SYNPR: variants seen among roughly 807,000 people sequenced by gnomAD.
SYNPR encodes synaptoporin.
SYNPR carries 23 observed loss-of-function variants against 32.9 expected under a neutral mutation model. The ratio of observed to expected loss-of-function variants is 0.70; its 90% CI spans 0.50 to 0.99. SYNPR has a LOEUF of 0.99. Ranked by LOEUF, SYNPR falls within the 50% of genes least tolerant of loss-of-function variation. The probability of loss-of-function intolerance (pLI) is 0.00; values close to 1 mark genes in which losing one functional copy is unlikely to be tolerated. For missense variants in SYNPR, 318 were observed against 349.3 expected (o/e 0.91, Z 0.71); for synonymous variants, 146 against 135.9 (o/e 1.07, Z -0.52).
chr3:63,542,854 C>T lies in SYNPR; in HGVS notation c.210-13689C>T, dbSNP rs13324724. 7.0e-3 allele frequency among the ~76,000 whole-genome samples: 1,068 copies of T among 152,020 alleles called. 10 individuals carry two copies. Among genetic ancestry groups the T allele is most frequent in the African/African-American group, 0.024 (991 of 41,482 alleles). ...TAAAATGGTGAATCAGGCCATCTAT[C>T]CCATATTACCTGAATTACCAAAAGT... is the stretch of plus-strand genomic sequence containing the variant. On this transcript the variant is annotated intron_variant, in intron 3 of 5. Coordinates refer to ENST00000478300, the MANE Select transcript of SYNPR (RefSeq NM_001130003.2).
the SYNPR span, among the ~76,000 whole-genome samples, chr3:63,206,090 A>T: frequency 6.6e-6 from 1 of 152,034 alleles, no homozygotes; most frequent in African/African-American, 2.4e-5. Flanking sequence ...CTTGTATGCA[A>T]TCTAGTCCTG....
chr3:63,612,496 A>G (rs1232396391), intron 5 of SYNPR, among the ~76,000 whole-genome samples: 2 of 152,044 alleles, frequency 1.3e-5, no homozygotes, highest in Non-Finnish European at 2.9e-5. Flanking sequence ...TTGTCTCCCC[A>G]TTGTTTGCAT....
intron 1 of SYNPR, among the ~76,000 whole-genome samples, chr3:63,231,885 G>A (rs2086168957): frequency 6.6e-6 from 1 of 152,172 alleles, no homozygotes; most frequent in African/African-American, 2.4e-5. Flanking sequence ...ATTTACTGGA[G>A]CATTTACAGC....
intron 3 of SYNPR, among the ~76,000 whole-genome samples, chr3:63,543,663 C>A (rs1165455107): frequency 6.6e-6 from 1 of 152,024 alleles, no homozygotes; most frequent in Non-Finnish European, 1.5e-5. Flanking sequence ...TCCTATCAAA[C>A]CCTTGCTAGA....
At chr3:63,355,054 G>C (rs1430044702) in intron 2 of SYNPR, among the ~76,000 whole-genome samples, 1 of 152,160 alleles carries the variant, frequency 6.6e-6, no homozygotes, top group Non-Finnish European at 1.5e-5. Flanking sequence ...CAAGGCAGGT[G>C]GATCATTTGA....
At chr3:63,413,388 A>G (rs141560603) in intron 2 of SYNPR, among the ~76,000 whole-genome samples, 3 of 152,200 alleles carry the variant, frequency 2.0e-5, no homozygotes, top group African/African-American at 7.2e-5. Flanking sequence ...AAAAGTTAAG[A>G]TTCGTTTGGT....
chr3:63,267,256 T>A (rs982923371), intron 2 of SYNPR: 1 of 152,188 alleles, frequency 6.6e-6, no homozygotes, highest in Non-Finnish European at 1.5e-5. Context: ...AAAGGATACA[T>A]GAGTTTTTCC....
At chr3:63,462,543 C>T (rs1700604195) in intron 2 of SYNPR, among the ~76,000 whole-genome samples, 1 of 152,134 alleles carries the variant, frequency 6.6e-6, no homozygotes, top group Non-Finnish European at 1.5e-5. Flanking sequence ...TGTGAATTTA[C>T]ATTCATTAAC....
chr3:63,238,860 A>G (rs1393140820), intron 1 of SYNPR, among the ~76,000 whole-genome samples: 4 of 152,180 alleles, frequency 2.6e-5, no homozygotes, highest in African/African-American at 7.2e-5. Context: ...GTAATTCGGT[A>G]TAACTGTATC....
At chr3:63,422,180 C>T (rs1055368339) in intron 2 of SYNPR, among the ~76,000 whole-genome samples, 14 of 152,284 alleles carry the variant, frequency 9.2e-5, no homozygotes, top group African/African-American at 3.4e-4. Flanking sequence ...CTCCTGTTTA[C>T]CACACCCAGG....
intron 2 of SYNPR, among the ~76,000 whole-genome samples, chr3:63,410,472 T>G (rs2088447100): frequency 6.6e-6 from 1 of 152,170 alleles, no homozygotes; most frequent in Admixed American, 6.6e-5. Context: ...TCAGTTCAGG[T>G]GTAATGGGTA....
intron 2 of SYNPR, among the ~76,000 whole-genome samples, chr3:63,471,370 T>A (rs1700793098): frequency 6.6e-6 from 1 of 152,192 alleles, no homozygotes; most frequent in Non-Finnish European, 1.5e-5. Flanking sequence ...TCACATGAAG[T>A]TCCCATCTGA....
chr3:63,402,863 T>G (rs1378236102), intron 2 of SYNPR, among the ~76,000 whole-genome samples: 2 of 152,120 alleles, frequency 1.3e-5, no homozygotes, highest in Non-Finnish European at 2.9e-5. Context: ...GATGCAAGTG[T>G]GGAAGTACCA....
chr3:63,476,598 G>T lies in SYNPR; in HGVS notation c.85-4234G>T, dbSNP rs188672795. On this transcript the variant is annotated intron_variant, in intron 2 of 5. Transcript: ENST00000478300. ...TTTGAGAATCAACTCTTACCGATGT[G>T]GCAAAAAAACATCATTCTTCCCCCA... Among the ~76,000 whole-genome samples the T allele has an allele frequency of 6.3e-3, 956 of 152,050 alleles. 6 individuals carry two copies. The highest frequency in any genetic ancestry group is 0.01 in the Non-Finnish European group (694 of 67,982).
rs115995350 is a variant in SYNPR, at chr3:63,505,170, G to A, written c.209+24214G>A. ...GACACATGTAATTTTCACAATGAAA[G>A]TCTCACTTATAAATGACAAAACCAA... On this transcript the variant is annotated intron_variant, in intron 3 of 5. Coordinates refer to ENST00000478300, the MANE Select transcript of SYNPR (RefSeq NM_001130003.2). 6.8e-3 allele frequency among the ~76,000 whole-genome samples: 1,034 copies of A among 152,246 alleles called. 8 individuals are homozygous for A. Among genetic ancestry groups the A allele is most frequent in the Middle Eastern group, 0.014 (4 of 292 alleles).
Position 63,615,662 on chromosome 3 carries a change from C to T in SYNPR, c.*181C>T, listed in dbSNP as rs955016745. ...TGAAAAATGATACTTAGAGATGAGG[C>T]GACATGAGGAGATATATTATTCATC... On this transcript the variant is annotated 3_prime_UTR_variant, in exon 6 of 6. Transcript: ENST00000478300. The T allele has an allele frequency of 4.2e-5, 31 of 732,762 alleles. No homozygotes were observed. Among genetic ancestry groups the T allele is most frequent in the East Asian group, 8.4e-5 (3 of 35,712 alleles). 45.4% of individuals were successfully genotyped at this position (732,762 alleles called of 1,614,324 possible).
chr3:63,548,564 A>T (rs1256788967), intron 3 of SYNPR, among the ~76,000 whole-genome samples: 1 of 152,210 alleles, frequency 6.6e-6, no homozygotes, highest in African/African-American at 2.4e-5. Context: ...AAGACAACGC[A>T]ATCTAAAAGC....
intron 2 of SYNPR, among the ~76,000 whole-genome samples, chr3:63,433,751 A>G (rs1371819532): frequency 6.6e-6 from 1 of 152,148 alleles, no homozygotes; most frequent in African/African-American, 2.4e-5. Context: ...TCACCCAGAT[A>G]GGAGGGATTT....
In SYNPR at chr3:63,300,462, TA is replaced by T. The variant is rs148281780; in HGVS notation, c.84+21724del. The stretch of plus-strand genomic sequence containing the variant: ...CCAACATTCAGATATGCTTTAAGGA[TA>T]AAATAATTGTGAGGGACTTTGTTGG... On this transcript the variant is annotated intron_variant, in intron 2 of 5. Coordinates refer to ENST00000478300, the MANE Select transcript of SYNPR (RefSeq NM_001130003.2). 5.0e-3 allele frequency among the ~76,000 whole-genome samples: 766 copies of T among 152,236 alleles called. 5 individuals carry two copies. The highest frequency in any genetic ancestry group is 0.018 in the African/African-American group (731 of 41,566).
Sources: allele counts gnomAD v4.1 joint callset (sites outside exome capture counted in the v4.1 genomes callset), GRCh38; gene constraint gnomAD v4.1.1; transcripts MANE v1.5; gene names NCBI Gene and HGNC (gene_info 2026-07-23, HGNC 2026-07-21).